Variants in XIRP2 observed in about 807,000 individuals in gnomAD.
XIRP2 encodes the protein xin actin-binding repeat-containing protein 2.
A neutral mutation model predicts 277.0 loss-of-function variants in XIRP2; 236 were observed. That is an observed-to-expected ratio of 0.85 (90% CI 0.77 to 0.95). The LOEUF is 0.95. Among genes scored for constraint, XIRP2 ranks in the 40% least tolerant of loss-of-function variants. The probability of loss-of-function intolerance (pLI) is 0.00; values close to 1 mark genes in which losing one functional copy is unlikely to be tolerated. For missense variants in XIRP2, 4,640 were observed against 4,157.5 expected (o/e 1.12, Z -3.19); for synonymous variants, 1,490 against 1,416.5 (o/e 1.05, Z -1.17).
At chr2:167,089,592 T>C (rs1574244955) in intron 2 of XIRP2, among the ~76,000 whole-genome samples, 1 of 151,414 alleles carries the variant, frequency 6.6e-6, no homozygotes, top group Admixed American at 6.6e-5. Context: ...TTAATGCATA[T>C]GTGTGTGTGT....
intron 2 of XIRP2, among the ~76,000 whole-genome samples, chr2:166,948,232 T>C (rs935169852): frequency 1.6e-4 from 24 of 152,122 alleles, no homozygotes; most frequent in African/African-American, 5.8e-4. Flanking sequence ...GATTATGATA[T>C]GTTAATGTGG....
At chr2:167,252,105 C>T in intron 9 of XIRP2, 158 bp downstream of exon 9, 1 of 1,164,332 alleles carries the variant, frequency 8.6e-7, no homozygotes, top group Non-Finnish European at 1.1e-6. Flanking sequence ...TCTTTATATG[C>T]TTGCTTTTAC....
chr2:167,235,016 T>A (rs1317217027), intron 5 of XIRP2, among the ~76,000 whole-genome samples: 1 of 151,900 alleles, frequency 6.6e-6, no homozygotes, highest in African/African-American at 2.4e-5. Context: ...TCTTTTCCTA[T>A]GTTGAAAGAA....
chr2:167,197,776 G>A (rs559170607), intron 3 of XIRP2, among the ~76,000 whole-genome samples: 4 of 151,844 alleles, frequency 2.6e-5, no homozygotes, highest in East Asian at 3.9e-4. Context: ...TTTACATTCC[G>A]TCCCAACTTT....
chr2:166,926,010 G>A (rs1206970842), intron 2 of XIRP2, among the ~76,000 whole-genome samples: 2 of 151,826 alleles, frequency 1.3e-5, no homozygotes, highest in African/African-American at 4.8e-5. Context: ...GGAGTTTGAG[G>A]CTATAGTAAG....
Position 167,249,851 on chromosome 2 carries a change from A to T in XIRP2, c.8459A>T (p.Glu2820Val). Reference protein sequence around the residue: ...SDRGKLPGSEEKNQGPSMIGR... With the variant: ...SDRGKLPGSEVKNQGPSMIGR... Reference sequence around the variant, plus strand: ...AGAGGGAAACTTCCAGGAAGTGAAGAAAAAAATCAGGGACCATCAATGATT... The same window carrying T: ...AGAGGGAAACTTCCAGGAAGTGAAGTAAAAAATCAGGGACCATCAATGATT... Residue 2820 changes from glutamate to valine, a missense_variant, in exon 9 of 11, where the codon GAA becomes GTA. Coordinates refer to ENST00000409195, the MANE Select transcript of XIRP2 (RefSeq NM_152381.6). The T allele has an allele frequency of 4.3e-6, 7 of 1,613,592 alleles. No homozygotes were observed. The highest frequency in any genetic ancestry group is 5.9e-6 in the Non-Finnish European group (7 of 1,179,736).
At chr2:167,089,524 C>T (rs1690079469) in intron 2 of XIRP2, among the ~76,000 whole-genome samples, 1 of 152,134 alleles carries the variant, frequency 6.6e-6, no homozygotes, top group Non-Finnish European at 1.5e-5. Flanking sequence ...ATGTTGTGCG[C>T]ATGAGGGTCA....
chr2:167,257,625 C>T (rs1175215632), intron 10 of XIRP2, among the ~76,000 whole-genome samples: 1 of 151,946 alleles, frequency 6.6e-6, no homozygotes, highest in Non-Finnish European at 1.5e-5. Flanking sequence ...CCCTATAATA[C>T]CTATTATGCC....
intron 3 of XIRP2, among the ~76,000 whole-genome samples, chr2:167,164,225 G>C (rs1260891596): frequency 6.6e-6 from 1 of 151,956 alleles, no homozygotes; most frequent in African/African-American, 2.4e-5. Context: ...TGGATCACAA[G>C]GTCAGGAGGT....
At chr2:167,083,512 T>C (rs1689812276) in intron 2 of XIRP2, among the ~76,000 whole-genome samples, 1 of 152,244 alleles carries the variant, frequency 6.6e-6, no homozygotes, top group African/African-American at 2.4e-5. Flanking sequence ...GGGATGGCAT[T>C]GAATCTGTAA....
intron 2 of XIRP2, among the ~76,000 whole-genome samples, chr2:166,947,101 G>T (rs1685895432): frequency 6.6e-6 from 1 of 152,106 alleles, no homozygotes; most frequent in African/African-American, 2.4e-5. Flanking sequence ...AATAAACATA[G>T]ATATAAATAA....
chr2:167,222,029 TTGTC>T (rs1186380006), intron 5 of XIRP2, among the ~76,000 whole-genome samples: 12 of 152,198 alleles, frequency 7.9e-5, no homozygotes, highest in Admixed American at 7.9e-4. Context: ...TGGTAACAGT[TTGTC>T]TGGGAGATCA....
At chr2:167,105,420 T>C (rs1690592331) in intron 2 of XIRP2, among the ~76,000 whole-genome samples, 1 of 151,986 alleles carries the variant, frequency 6.6e-6, no homozygotes, top group South Asian at 2.1e-4. Flanking sequence ...TATATAACAT[T>C]TTAGAATTGG....
At position 167,249,138 on chromosome 2, in the gene XIRP2, G is replaced by A. The variant is rs1695384587; in HGVS notation, c.7746G>A (p.Glu2582=). The part of the protein sequence containing the change: ...KTQSQNQHIT[E]VEKEMPLQKT... ...AAAGCCAAAATCAACACATAACAGA[G>A]GTGGAAAAGGAAATGCCATTACAAA... is the stretch of plus-strand genomic sequence containing the variant. The change falls in exon 9 of 11, where the codon GAG becomes GAA. Residue 2582 remains glutamate, a synonymous_variant. Coordinates refer to ENST00000409195, the MANE Select transcript of XIRP2 (RefSeq NM_152381.6). 4 of 1,613,684 alleles carry A rather than the reference G, an allele frequency of 2.5e-6. No homozygotes were observed. The highest frequency in any genetic ancestry group is 2.2e-5 in the South Asian group (2 of 91,064).
Position 167,258,665 on chromosome 2 carries a change from AAT to A in XIRP2, c.*850_*851del. Reference sequence around the variant, plus strand: ...AAATCATAAAGAAAATTTGAATAAGAATAATAATAACAATTATGTAGCAGTCT... The same window carrying A: ...AAATCATAAAGAAAATTTGAATAAGAAATAATAACAATTATGTAGCAGTCT... On this transcript the variant is annotated 3_prime_UTR_variant, in exon 11 of 11. Coordinates refer to ENST00000409195, the MANE Select transcript of XIRP2 (RefSeq NM_152381.6). 1.2e-6 allele frequency: 2 copies of A among 1,611,556 alleles called. No homozygotes were observed. Among genetic ancestry groups the A allele is most frequent in the Non-Finnish European group, 1.7e-6 (2 of 1,178,898 alleles).
intron 2 of XIRP2, among the ~76,000 whole-genome samples, chr2:166,957,114 T>C (rs1198094765): frequency 6.6e-6 from 1 of 151,788 alleles, no homozygotes; most frequent in African/African-American, 2.4e-5. Context: ...CATTTTCATT[T>C]TGTTTCCATG....
At chr2:167,130,211 T>A (rs955612726) in intron 2 of XIRP2, among the ~76,000 whole-genome samples, 3 of 151,784 alleles carry the variant, frequency 2.0e-5, no homozygotes, top group Non-Finnish European at 4.4e-5. Flanking sequence ...TCCTAATCAC[T>A]CCTCTCCTAC....
intron 5 of XIRP2, among the ~76,000 whole-genome samples, chr2:167,226,535 CAA>C (rs1694607443): frequency 6.6e-6 from 1 of 152,158 alleles, no homozygotes; most frequent in Admixed American, 6.5e-5. Context: ...AGCAAAAACA[CAA>C]AGCAACCACA....
chr2:167,061,895 A>G (rs1689182207), intron 2 of XIRP2, among the ~76,000 whole-genome samples: 1 of 152,154 alleles, frequency 6.6e-6, no homozygotes, highest in Non-Finnish European at 1.5e-5. Context: ...CTGTGAACAA[A>G]TAAATTTCTG....
Sources: gnomAD v4.1 joint callset for allele counts (sites outside exome capture counted in the v4.1 genomes callset) on GRCh38, gnomAD v4.1.1 for gene constraint, MANE v1.5 for transcripts, NCBI Gene and HGNC (gene_info 2026-07-23, HGNC 2026-07-21) for gene names.